The following FLNB variants were observed in gnomAD, a reference collection of about 807,000 sequenced individuals.
FLNB encodes filamin-B.
In FLNB, 111 loss-of-function variants were observed where a neutral mutation model predicts 250.6. The ratio of observed to expected loss-of-function variants is 0.44; its 90% CI spans 0.38 to 0.52. The LOEUF (loss-of-function observed/expected upper bound fraction) is 0.52. Among genes scored for constraint, FLNB ranks in the 20% least tolerant of loss-of-function variants. The pLI is 0.00. For missense variants in FLNB, 2,869 were observed against 3,447.8 expected (o/e 0.83, Z 4.20); for synonymous variants, 1,302 against 1,372.1 (o/e 0.95, Z 1.13).
chr3:58,067,733 G>A (rs968814637), intron 1 of FLNB, among the ~76,000 whole-genome samples: 33 of 151,596 alleles, frequency 2.2e-4, no homozygotes, highest in East Asian at 7.7e-4. Context: ...AGTAGCTGGG[G>A]TTACAGGCGC....
Position 58,071,607 on chromosome 3 carries a change from G to C in FLNB, c.293-5439G>C, listed in dbSNP as rs72882449. Among the ~76,000 whole-genome samples the C allele has an allele frequency of 9.9e-3, 1,510 of 152,208 alleles. 27 individuals are homozygous for C. The highest frequency in any genetic ancestry group is 0.035 in the African/African-American group (1,444 of 41,532). ...CCTTGATTCTTACAGTCACTTTGTT[G>C]GCTGTTTCTGACTCAGCAGCTACCT... On this transcript the variant is annotated intron_variant, in intron 1 of 45. Coordinates refer to ENST00000295956, the MANE Select transcript of FLNB (RefSeq NM_001457.4).
intron 1 of FLNB, among the ~76,000 whole-genome samples, chr3:58,070,049 C>CTTTTTTT (rs10639474): frequency 7.4e-6 from 1 of 134,998 alleles, no homozygotes. Flanking sequence ...CTCTTTCTTT[C>CTTTTTTT]TTTTTTTTTT....
In FLNB at chr3:58,108,020, C is replaced by G. The variant is rs191899226; in HGVS notation, c.1942-438C>G. ...GGTTAGTTTGGGCATGGTTTTAGAA[C>G]AGGGGTTTCCAATATTTTGCCTTCC... On this transcript the variant is annotated intron_variant, in intron 12 of 45. Transcript: ENST00000295956. Among the ~76,000 whole-genome samples, 53 of 152,228 alleles carry G rather than the reference C, an allele frequency of 3.5e-4. No homozygotes were observed. The South Asian group carries it at 6.8e-3, about 20-fold the overall frequency.
chr3:58,089,586 A>G (rs562505366), intron 4 of FLNB, among the ~76,000 whole-genome samples: 1 of 152,040 alleles, frequency 6.6e-6, no homozygotes, highest in East Asian at 1.9e-4. Flanking sequence ...GTTAAGAACA[A>G]TCATGAAAAA....
chr3:58,044,494 G>A (rs1057397329), intron 1 of FLNB, among the ~76,000 whole-genome samples: 1 of 151,990 alleles, frequency 6.6e-6, no homozygotes, highest in African/African-American at 2.4e-5. Flanking sequence ...GCATGATGGC[G>A]CACACCAGTA....
chr3:58,067,552 T>G (rs1369124727), intron 1 of FLNB, among the ~76,000 whole-genome samples: 1 of 152,140 alleles, frequency 6.6e-6, no homozygotes, highest in Non-Finnish European at 1.5e-5. Flanking sequence ...ACATTATAGT[T>G]TAACCACTGT....
chr3:58,165,882 G>C (rs866418427), intron 43 of FLNB: 2 of 152,184 alleles, frequency 1.3e-5, no homozygotes, highest in African/African-American at 4.8e-5. Context: ...CATATTTGAG[G>C]GGGTGGGGGA....
At chr3:58,073,678 G>A (rs931466149) in intron 1 of FLNB, among the ~76,000 whole-genome samples, 1 of 151,974 alleles carries the variant, frequency 6.6e-6, no homozygotes, top group Non-Finnish European at 1.5e-5. Context: ...CTTAAGACCA[G>A]GTCCTCTGCT....
Position 58,108,515 on chromosome 3 carries a change from G to T in FLNB, c.1999G>T (p.Glu667Ter). 6.2e-7 allele frequency: 1 copy of T among 1,614,154 alleles called. No individual in the cohort carries two copies. Among genetic ancestry groups the T allele is most frequent in the Non-Finnish European group, 8.5e-7 (1 of 1,180,000 alleles). Residue 667 changes from glutamate to a stop codon, truncating the protein, a stop_gained, in exon 13 of 46, where the codon GAG (glutamate) becomes TAG (stop). Coordinates refer to ENST00000295956, the MANE Select transcript of FLNB (RefSeq NM_001457.4). LOFTEE classifies it high-confidence loss of function. Reference sequence around the variant, plus strand: ...TGGATGCATTGTCAACAACCTGGCCGAGTTCACTGTGGATCCTAAGGATGC... The same window carrying T: ...TGGATGCATTGTCAACAACCTGGCCTAGTTCACTGTGGATCCTAAGGATGC... ...KSGCIVNNLA[E>*]FTVDPKDAGK...
At chr3:58,138,247 A>C (rs773111112) in intron 28 of FLNB, 35 bp from the exon 29 acceptor site, 1 of 1,612,286 alleles carries the variant, frequency 6.2e-7, no homozygotes, top group African/African-American at 1.3e-5. Context: ...ATGTGTGTCC[A>C]TACTTCCATT....
At chr3:58,122,893 G>T (rs1243175174) in intron 20 of FLNB, among the ~76,000 whole-genome samples, 200 bp from the exon 21 acceptor site, 2 of 152,146 alleles carry the variant, frequency 1.3e-5, no homozygotes, top group Non-Finnish European at 2.9e-5. Flanking sequence ...GTGGGTTTTC[G>T]CTGGTGATTG....
intron 1 of FLNB, among the ~76,000 whole-genome samples, chr3:58,023,735 T>G (rs2097118310): frequency 1.3e-5 from 2 of 152,340 alleles, no homozygotes; most frequent in East Asian, 3.9e-4. Flanking sequence ...TCATTGTGGT[T>G]TGCAAGTCTC....
In FLNB at chr3:58,170,752, C is replaced by T. The variant is rs762115857; in HGVS notation, c.7799C>T (p.Thr2600Ile). The T allele has an allele frequency of 6.2e-7, 1 of 1,614,014 alleles. No homozygotes were observed. The change falls in exon 46 of 46, where the codon ACA (threonine) becomes ATA (isoleucine). Residue 2600 changes from threonine (T) to isoleucine (I), a missense_variant. Physicochemically the swap from Thr to Ile is moderately conservative, Grantham distance 89 (BLOSUM62 -1). Coordinates refer to ENST00000295956, the MANE Select transcript of FLNB (RefSeq NM_001457.4). ...ATCCCTGGCAGCCCTTTTCATGTCA[C>T]AGTGCCTTAAAACAGTTTTCTCAAA... ...EHIPGSPFHV[T>I]VP is the part of the protein sequence containing the mutation.
chr3:58,111,812 A>G lies in FLNB; in HGVS notation c.2506A>G (p.Arg836Gly). 1.2e-6 allele frequency: 2 copies of G among 1,614,092 alleles called. No homozygotes were observed. Among genetic ancestry groups the G allele is most frequent in the Non-Finnish European group, 1.7e-6 (2 of 1,179,936 alleles). Residue 836 changes from arginine to glycine, a missense_variant, in exon 17 of 46, where the codon AGA becomes GGA. Arg to Gly is a moderately radical substitution (Grantham distance 125). Transcript: ENST00000295956. ...ASQEIPASPFRVKVDPSHDAS... is the reference protein window; with the variant it reads ...ASQEIPASPFGVKVDPSHDAS... ...ACAGGAAATCCCCGCCAGCCCTTTC[A>G]GAGTCAAAGTTGACCCTTCCCACGA...
rs184849727 is a variant in FLNB at position 58,135,872 on chromosome 3, C to G, written c.4672-107C>G. The G allele has an allele frequency of 6.3e-4, 708 of 1,124,246 alleles. 14 individuals carry two copies. Among genetic ancestry groups the G allele is most frequent in the South Asian group, 6.3e-3 (465 of 74,066 alleles). 69.6% of individuals were successfully genotyped at this position (1,124,246 alleles called of 1,614,324 possible). A position where few individuals can be genotyped will look rare whatever the true frequency, so the allele number is the denominator to read the frequency against. The stretch of plus-strand genomic sequence containing the variant: ...ACTAGATTGTATTAAGCCATCAATT[C>G]TGTCTGTTTCCACTAGAGGCACTAA... On this transcript the variant is annotated intron_variant, in intron 27 of 45. Transcript: ENST00000295956.
intron 1 of FLNB, among the ~76,000 whole-genome samples, chr3:58,043,717 G>C (rs573503434): frequency 6.6e-6 from 1 of 152,260 alleles, no homozygotes; most frequent in South Asian, 2.1e-4. Context: ...AGAGTGCTGA[G>C]TGCAAAACTC....
At chr3:58,077,754 T>C (rs1478224008) in intron 2 of FLNB, among the ~76,000 whole-genome samples, 3 of 152,234 alleles carry the variant, frequency 2.0e-5, no homozygotes, top group Non-Finnish European at 4.4e-5. Context: ...TCCACCCTTT[T>C]CTTTCTGTGT....
chr3:58,053,768 T>C (rs1265701613), intron 1 of FLNB, among the ~76,000 whole-genome samples: 1 of 152,056 alleles, frequency 6.6e-6, no homozygotes, highest in Non-Finnish European at 1.5e-5. Flanking sequence ...GGCCCAAACA[T>C]GTGGTTTTTT....
intron 4 of FLNB, among the ~76,000 whole-genome samples, chr3:58,085,353 A>G (rs1400596760): frequency 6.6e-6 from 1 of 152,248 alleles, no homozygotes; most frequent in Admixed American, 6.5e-5. Context: ...TGTCCCTGTC[A>G]TGTGGTTAGA....
Sources: allele counts gnomAD v4.1 joint callset (sites outside exome capture counted in the v4.1 genomes callset), GRCh38; gene constraint gnomAD v4.1.1; transcripts MANE v1.5; gene names NCBI Gene and HGNC (gene_info 2026-07-23, HGNC 2026-07-21).